Variants in XYLT1 observed in about 807,000 individuals in gnomAD.
The protein encoded by XYLT1 is xylosyltransferase 1.
XYLT1 carries 36 observed loss-of-function variants against 91.3 expected under a neutral mutation model. The observed-to-expected ratio is 0.39, with a 90% confidence interval of 0.30 to 0.52. The LOEUF is 0.52. Among genes scored for constraint, XYLT1 ranks in the 20% least tolerant of loss-of-function variants. The probability of loss-of-function intolerance (pLI) is 0.68; values close to 1 mark genes in which losing one functional copy is unlikely to be tolerated. For synonymous variants in XYLT1, 588 were observed against 532.0 expected (o/e 1.11, Z -1.45); for missense variants, 1,242 against 1,284.5 (o/e 0.97, Z 0.51).
At chr16:17,451,003 G>A (rs1439281916) in intron 1 of XYLT1, among the ~76,000 whole-genome samples, 3 of 152,178 alleles carry the variant, frequency 2.0e-5, no homozygotes, top group Non-Finnish European at 4.4e-5. Flanking sequence ...GCATGCAAAG[G>A]ACAAATGTTC....
At chr16:17,153,589 A>T (rs1330634391) in intron 6 of XYLT1, among the ~76,000 whole-genome samples, 2 of 152,226 alleles carry the variant, frequency 1.3e-5, no homozygotes, top group African/African-American at 4.8e-5. Flanking sequence ...CTCTAAGCTA[A>T]CTTTAAATAG....
At chr16:17,218,000 C>T (rs566902253) in intron 3 of XYLT1, among the ~76,000 whole-genome samples, 255 of 151,626 alleles carry the variant, frequency 1.7e-3, no homozygotes, top group Admixed American at 6.6e-3. Context: ...CCAGGCGCAG[C>T]GGTTCACGCC....
intron 1 of XYLT1, among the ~76,000 whole-genome samples, chr16:17,416,859 C>A (rs1204826943): frequency 6.6e-6 from 1 of 152,138 alleles, no homozygotes; most frequent in Non-Finnish European, 1.5e-5. Context: ...AGGAGGAAGC[C>A]ATGCAAATGA....
chr16:17,397,276 A>G (rs1195625921), intron 1 of XYLT1, among the ~76,000 whole-genome samples: 1 of 152,172 alleles, frequency 6.6e-6, no homozygotes, highest in Non-Finnish European at 1.5e-5. Context: ...AAGCATTGCC[A>G]TCGACCTCTA....
At chr16:17,292,298 T>C (rs1419720385) in intron 2 of XYLT1, among the ~76,000 whole-genome samples, 3 of 152,208 alleles carry the variant, frequency 2.0e-5, no homozygotes, top group African/African-American at 7.2e-5. Context: ...GAATTGTCTT[T>C]GAGCTTCCTA....
At chr16:17,179,347 A>C (rs1289641953) in intron 5 of XYLT1, among the ~76,000 whole-genome samples, 1 of 152,164 alleles carries the variant, frequency 6.6e-6, no homozygotes, top group African/African-American at 2.4e-5. Flanking sequence ...CCTATGTAAC[A>C]CACCTGCACA....
intron 1 of XYLT1, among the ~76,000 whole-genome samples, chr16:17,444,135 T>G (rs1398151474): frequency 6.6e-6 from 1 of 152,200 alleles, no homozygotes; most frequent in Non-Finnish European, 1.5e-5. Context: ...TTCCTCTTCA[T>G]GTTTAGGTGT....
intron 2 of XYLT1, among the ~76,000 whole-genome samples, chr16:17,316,059 C>T (rs1371286267): frequency 1.3e-5 from 2 of 152,220 alleles, no homozygotes; most frequent in African/African-American, 4.8e-5. Flanking sequence ...ATAGCCCCCA[C>T]CTGGTTGGCC....
intron 3 of XYLT1, among the ~76,000 whole-genome samples, chr16:17,202,331 G>T (rs571099432): frequency 3.7e-4 from 56 of 152,340 alleles, no homozygotes; most frequent in African/African-American, 1.3e-3. Context: ...AATGGTTGCT[G>T]AATGAACGAG....
intron 1 of XYLT1, among the ~76,000 whole-genome samples, chr16:17,374,395 T>C (rs1425327971): frequency 3.3e-5 from 5 of 150,992 alleles, no homozygotes; most frequent in African/African-American, 1.2e-4. Context: ...GATTGGAATC[T>C]TCATCAGGAT....
chr16:17,380,755 C>T (rs1218176211), intron 1 of XYLT1, among the ~76,000 whole-genome samples: 2 of 152,190 alleles, frequency 1.3e-5, no homozygotes, highest in African/African-American at 4.8e-5. Context: ...CCTAGTGTCC[C>T]TCCTGGAAGA....
intron 1 of XYLT1, among the ~76,000 whole-genome samples, chr16:17,425,055 C>T (rs2036298497): frequency 6.6e-6 from 1 of 152,130 alleles, no homozygotes; most frequent in Non-Finnish European, 1.5e-5. Flanking sequence ...AGGGTTTGGC[C>T]AAGCCTTAGA....
At chr16:17,226,510 A>G (rs181444546) in intron 3 of XYLT1, among the ~76,000 whole-genome samples, 18 of 152,318 alleles carry the variant, frequency 1.2e-4, no homozygotes, top group African/African-American at 4.3e-4. Context: ...TGTTTCCAGC[A>G]GGCACAGTGG....
chr16:17,280,428 T>C (rs575350585), intron 2 of XYLT1, among the ~76,000 whole-genome samples: 2 of 152,324 alleles, frequency 1.3e-5, no homozygotes, highest in Non-Finnish European at 1.5e-5. Context: ...TTCTGAAACA[T>C]ACTTCAATAT....
Position 17,362,515 on chromosome 16 carries a change from C to A in XYLT1, c.364-4465G>T, listed in dbSNP as rs145661845. Among the ~76,000 whole-genome samples, 96 of 152,318 alleles carry A rather than the reference C, an allele frequency of 6.3e-4. 1 individual carries two copies. Among genetic ancestry groups the A allele is most frequent in the Middle Eastern group, 6.8e-3 (2 of 294 alleles). On this transcript the variant is annotated intron_variant, in intron 1 of 11. Transcript: ENST00000261381. ...TAACTGTTTAAATAAGAGGCAGGAG[C>A]CTGATTACAGGTCTTAGAGCAATGA... is the stretch of plus-strand genomic sequence containing the variant.
Position 17,117,896 on chromosome 16 carries a change from C to T in XYLT1, c.2307G>A (p.Met769Ile). ...LLGPMDEPVG[M>I]QKWGKGPNVT... The stretch of plus-strand genomic sequence containing the variant: ...CATTAGGTCCCTTCCCCCACTTCTG[C>T]ATACCCACCGGCTCATCCATGGGCC... Residue 769 changes from methionine to isoleucine, a missense_variant, in exon 11 of 12, where the codon ATG (methionine) becomes ATA (isoleucine). Physicochemically the swap from Met to Ile is conservative, Grantham distance 10. Coordinates refer to ENST00000261381, the MANE Select transcript of XYLT1 (RefSeq NM_022166.4). The T allele has an allele frequency of 5.0e-6, 8 of 1,614,146 alleles. No individual in the cohort carries two copies. The highest frequency in any genetic ancestry group is 6.8e-6 in the Non-Finnish European group (8 of 1,180,030).
rs79194954 is a variant in XYLT1 at position 17,374,383 on chromosome 16, T to C, written c.364-16333A>G. Among the ~76,000 whole-genome samples, 50 of 152,152 alleles carry C rather than the reference T, an allele frequency of 3.3e-4. No individual in the cohort carries two copies. The East Asian group carries it at 7.5e-3, about 23-fold the overall frequency. On this transcript the variant is annotated intron_variant, in intron 1 of 11. Transcript: ENST00000261381. ...GTCACTGCCAAAGTTCCTGTGTAGA[T>C]TGATTGGAATCTTCATCAGGATCAG...
intron 1 of XYLT1, among the ~76,000 whole-genome samples, chr16:17,448,586 G>A (rs531527950): frequency 3.9e-5 from 6 of 152,082 alleles, no homozygotes; most frequent in Non-Finnish European, 8.8e-5. Context: ...GGGAGAGGAA[G>A]AGGCAGAGTT....
intron 5 of XYLT1, among the ~76,000 whole-genome samples, chr16:17,184,700 C>T (rs2032146184): frequency 6.6e-6 from 1 of 152,172 alleles, no homozygotes; most frequent in Non-Finnish European, 1.5e-5. Flanking sequence ...CTGGACAGTG[C>T]TGGTCTAGAG....
Sources: gnomAD v4.1 joint callset for allele counts (sites outside exome capture counted in the v4.1 genomes callset) on GRCh38, gnomAD v4.1.1 for gene constraint, MANE v1.5 for transcripts, NCBI Gene and HGNC (gene_info 2026-07-23, HGNC 2026-07-21) for gene names.